The following COL26A1 variants were observed in gnomAD, a reference collection of about 807,000 sequenced individuals.
COL26A1 encodes collagen type XXVI alpha 1 chain, also known as collagen alpha-1(XXVI) chain.
In COL26A1, 41 loss-of-function variants were observed where a neutral mutation model predicts 59.3. That is an observed-to-expected ratio of 0.69 (90% CI 0.54 to 0.90). The LOEUF is 0.90. Ranked by LOEUF, COL26A1 falls within the 40% of genes least tolerant of loss-of-function variation. The probability of loss-of-function intolerance (pLI) is 0.00; values close to 1 mark genes in which losing one functional copy is unlikely to be tolerated. For synonymous variants in COL26A1, 266 were observed against 256.0 expected, an observed-to-expected ratio of 1.04 and a Z score of -0.37; for missense variants, 612 against 602.3, an observed-to-expected ratio of 1.02 and a Z score of -0.17.
At chr7:101,429,222 C>T (rs1792720008) in intron 2 of COL26A1, among the ~76,000 whole-genome samples, 1 of 152,136 alleles carries the variant, frequency 6.6e-6, no homozygotes, top group Non-Finnish European at 1.5e-5. Flanking sequence ...CCATGCCTGG[C>T]CTCTGCTTTT....
intron 3 of COL26A1, among the ~76,000 whole-genome samples, chr7:101,529,703 C>T (rs1409118262): frequency 6.6e-6 from 1 of 152,182 alleles, no homozygotes; most frequent in Non-Finnish European, 1.5e-5. Context: ...TGAGTTTGTT[C>T]GCTCAGAATG....
chr7:101,477,788 A>G (rs1349355280), intron 3 of COL26A1, among the ~76,000 whole-genome samples: 1 of 152,060 alleles, frequency 6.6e-6, no homozygotes, highest in Non-Finnish European at 1.5e-5. Context: ...TCATTTGTCC[A>G]AGTACTTGGT....
At chr7:101,428,189 C>A (rs888945774) in intron 2 of COL26A1, among the ~76,000 whole-genome samples, 2 of 151,842 alleles carry the variant, frequency 1.3e-5, no homozygotes, top group Non-Finnish European at 2.9e-5. Context: ...GAGACCCTGT[C>A]TCTACAAAAA....
At position 101,532,929 on chromosome 7, in the gene COL26A1, G is replaced by A. The variant is rs538485843; in HGVS notation, c.386-153G>A. On this transcript the variant is annotated intron_variant, in intron 3 of 12. Coordinates refer to ENST00000313669, the MANE Select transcript of COL26A1 (RefSeq NM_001278563.3). ...GCTGCATGGAGGAGGGGGCTCTGAGGGTAAGGCTTTGAAGGATGAATAGGA... is the reference window on the plus strand; with the variant it reads ...GCTGCATGGAGGAGGGGGCTCTGAGAGTAAGGCTTTGAAGGATGAATAGGA... Among the ~76,000 whole-genome samples, 35 of 152,280 alleles carry A rather than the reference G, an allele frequency of 2.3e-4. No homozygotes were observed. The South Asian group carries it at 5.8e-3, about 25-fold the overall frequency.
intron 3 of COL26A1, among the ~76,000 whole-genome samples, chr7:101,453,670 T>C (rs1793399207): frequency 6.6e-6 from 1 of 151,922 alleles, no homozygotes; most frequent in South Asian, 2.1e-4. Flanking sequence ...GAGTGGGGAG[T>C]TGGCAGCTGA....
At chr7:101,414,643 G>A (rs948493203) in intron 1 of COL26A1, among the ~76,000 whole-genome samples, 10 of 152,090 alleles carry the variant, frequency 6.6e-5, no homozygotes, top group Non-Finnish European at 1.2e-4. Context: ...TGCCATGTTG[G>A]CCAGGCTGAT....
intron 3 of COL26A1, among the ~76,000 whole-genome samples, chr7:101,456,084 T>C (rs1164832740): frequency 6.6e-6 from 1 of 151,988 alleles, no homozygotes; most frequent in Admixed American, 6.6e-5. Context: ...AACTTGAGTA[T>C]ACACACACTT....
intron 3 of COL26A1, among the ~76,000 whole-genome samples, chr7:101,471,564 GTTGTTTGTTT>G (rs1562997550): frequency 7.8e-6 from 1 of 129,024 alleles, no homozygotes; most frequent in African/African-American, 3.1e-5. Context: ...TGTTGTTGTT[GTTGTTTGTTT>G]TTTTTTTTTT....
intron 1 of COL26A1, among the ~76,000 whole-genome samples, chr7:101,373,224 G>A (rs1283281933): frequency 1.3e-5 from 2 of 152,178 alleles, no homozygotes; most frequent in Non-Finnish European, 2.9e-5. Context: ...CTCAGAGCTA[G>A]CAGGACCTGG....
At chr7:101,470,102 T>G (rs1218931808) in intron 3 of COL26A1, among the ~76,000 whole-genome samples, 3 of 151,338 alleles carry the variant, frequency 2.0e-5, no homozygotes, top group African/African-American at 4.8e-5. Context: ...TTGCCTTTTT[T>G]TTTGTTTTTT....
chr7:101,523,032 A>C (rs1318494403), intron 3 of COL26A1, among the ~76,000 whole-genome samples: 3 of 151,162 alleles, frequency 2.0e-5, no homozygotes, highest in South Asian at 2.1e-4. Flanking sequence ...ATACTTCTTC[A>C]TTCATTCTCT....
At chr7:101,542,705 GTATC>G (rs1795642020) in intron 5 of COL26A1, among the ~76,000 whole-genome samples, 1 of 152,194 alleles carries the variant, frequency 6.6e-6, no homozygotes, top group Non-Finnish European at 1.5e-5. Flanking sequence ...GGAGAGTAGG[GTATC>G]CTGCATTCTT....
intron 3 of COL26A1, among the ~76,000 whole-genome samples, chr7:101,449,992 T>TG (rs1344881180): frequency 2.6e-5 from 4 of 151,454 alleles, no homozygotes; most frequent in African/African-American, 4.9e-5. Flanking sequence ...GGCATAGTGG[T>TG]GGGCGCCTGT....
intron 3 of COL26A1, among the ~76,000 whole-genome samples, chr7:101,506,444 T>C (rs1794814183): frequency 6.6e-6 from 1 of 152,228 alleles, no homozygotes; most frequent in African/African-American, 2.4e-5. Context: ...GGGGGCCTCT[T>C]AGCAGAAACC....
intron 3 of COL26A1, among the ~76,000 whole-genome samples, chr7:101,465,034 CT>C (rs112899121): frequency 0.23 from 30,470 of 129,874 alleles, 3,278 homozygotes; most frequent in Non-Finnish European, 0.33. Context: ...TTCTTTCTTT[CT>C]TTTTTTTTTT....
intron 1 of COL26A1, among the ~76,000 whole-genome samples, chr7:101,388,573 T>TCTTTC (rs200145622): frequency 1.5e-5 from 2 of 134,224 alleles, no homozygotes; most frequent in South Asian, 2.4e-4. Context: ...CTATTTTCTT[T>TCTTTC]TTTTTTTTTT....
intron 1 of COL26A1, among the ~76,000 whole-genome samples, chr7:101,388,570 C>CT (rs542807870): frequency 0.12 from 17,177 of 139,290 alleles, 1,040 homozygotes; most frequent in Non-Finnish European, 0.15. Context: ...CACCTATTTT[C>CT]TTTTTTTTTT....
Position 101,489,764 on chromosome 7 carries a change from T to G in COL26A1, c.385+41977T>G, listed in dbSNP as rs529582136. Among the ~76,000 whole-genome samples the G allele has an allele frequency of 3.6e-3, 13 of 3,578 alleles. 1 individual carries two copies. In the South Asian group the frequency reaches 0.072, roughly 20 times the overall value. 2.3% of individuals were successfully genotyped at this position (3,578 alleles called of 152,430 possible). A position where few individuals can be genotyped will look rare whatever the true frequency, so the allele number is the denominator to read the frequency against. On this transcript the variant is annotated intron_variant, in intron 3 of 12. Transcript: ENST00000313669. ...CTCTTTCTTTCTTGTCTCTCTTTCT[T>G]TCTTTCTTTCTTTCTTTCTTTCTTT...
At chr7:101,382,256 C>T (rs1180382567) in intron 1 of COL26A1, among the ~76,000 whole-genome samples, 1 of 152,064 alleles carries the variant, frequency 6.6e-6, no homozygotes, top group Admixed American at 6.6e-5. Context: ...GCTATCTTGT[C>T]CAGGCTGGTC....
Sources: allele counts gnomAD v4.1 joint callset (sites outside exome capture counted in the v4.1 genomes callset), GRCh38; gene constraint gnomAD v4.1.1; transcripts MANE v1.5; gene names NCBI Gene and HGNC (gene_info 2026-07-23, HGNC 2026-07-21).